Variants in DSCAM observed in about 807,000 individuals in gnomAD.
DSCAM encodes the protein cell adhesion molecule DSCAM.
In DSCAM, 47 loss-of-function variants were observed where a neutral mutation model predicts 217.7. The ratio of observed to expected loss-of-function variants is 0.22; its 90% CI spans 0.17 to 0.28. The LOEUF (loss-of-function observed/expected upper bound fraction) is 0.28. DSCAM is among the 10% of genes least tolerant of loss of function. The probability of loss-of-function intolerance (pLI) is 1.00; values close to 1 mark genes in which losing one functional copy is unlikely to be tolerated. For synonymous variants in DSCAM, 1,056 were observed against 1,015.3 expected (o/e 1.04, Z -0.76); for missense variants, 2,080 against 2,618.3 (o/e 0.79, Z 4.49).
chr21:40,465,702 G>A (rs182480506), intron 3 of DSCAM, among the ~76,000 whole-genome samples: 117 of 152,182 alleles, frequency 7.7e-4, no homozygotes, highest in African/African-American at 2.6e-3. Context: ...TTTATGAGTG[G>A]CCCAAGACAA....
chr21:40,409,952 C>CA, intron 3 of DSCAM, among the ~76,000 whole-genome samples: 1 of 152,094 alleles, frequency 6.6e-6, no homozygotes, highest in East Asian at 1.9e-4. Flanking sequence ...TAAACAATTA[C>CA]AAAACATGTC....
chr21:40,522,235 C>G (rs1051781028), intron 3 of DSCAM, among the ~76,000 whole-genome samples: 5 of 152,164 alleles, frequency 3.3e-5, no homozygotes, highest in Admixed American at 6.5e-5. Context: ...AGTACAAACT[C>G]AGAGTAAATG....
chr21:40,445,318 T>C (rs747728430), intron 3 of DSCAM, among the ~76,000 whole-genome samples: 63 of 152,328 alleles, frequency 4.1e-4, no homozygotes, highest in Admixed American at 7.2e-4. Context: ...TCTGGGCTGT[T>C]AGGTGACTCA....
rs2077078893 is a variant in DSCAM, at chr21:40,603,621, C to A, written c.508+89189G>T. 1.3e-5 allele frequency among the ~76,000 whole-genome samples: 2 copies of A among 152,138 alleles called. 1 individual carries two copies. The highest frequency in any genetic ancestry group is 4.1e-4 in the South Asian group (2 of 4,822). ...CAGGTTTACTGGTAACAAATTCCCT[C>A]AATTTTTTTGTGTCTGACAAAAATC... On this transcript the variant is annotated intron_variant, in intron 3 of 32. Transcript: ENST00000400454.
chr21:40,801,812 G>A (rs1360350843), intron 1 of DSCAM, among the ~76,000 whole-genome samples: 1 of 152,232 alleles, frequency 6.6e-6, no homozygotes, highest in Non-Finnish European at 1.5e-5. Context: ...AAGAGTTGTA[G>A]AGGATTGGCA....
At chr21:40,310,953 T>G (rs577277596) in intron 9 of DSCAM, among the ~76,000 whole-genome samples, 6 of 152,208 alleles carry the variant, frequency 3.9e-5, no homozygotes, top group Non-Finnish European at 7.3e-5. Context: ...ATTTTTTTTT[T>G]CAGAAATACA....
intron 11 of DSCAM, among the ~76,000 whole-genome samples, chr21:40,257,062 A>G (rs1389029817): frequency 6.6e-6 from 1 of 152,210 alleles, no homozygotes; most frequent in African/African-American, 2.4e-5. Context: ...CTTAAATACT[A>G]TGATAGCAAA....
chr21:40,565,129 G>A (rs889787626), intron 3 of DSCAM, among the ~76,000 whole-genome samples: 4 of 152,212 alleles, frequency 2.6e-5, no homozygotes, highest in African/African-American at 9.6e-5. Flanking sequence ...TCCAGTAGCC[G>A]AGGTACTGGC....
At position 40,778,959 on chromosome 21, in the gene DSCAM, G is replaced by T. The variant is rs535798922; in HGVS notation, c.43+67660C>A. ...GAATCACTTGAATTCGGGAGGCAGAGGTTGCGGTGAGCTGACATCGTGCCA... is the reference window on the plus strand; with the variant it reads ...GAATCACTTGAATTCGGGAGGCAGATGTTGCGGTGAGCTGACATCGTGCCA... On this transcript the variant is annotated intron_variant, in intron 1 of 32. Coordinates refer to ENST00000400454, the MANE Select transcript of DSCAM (RefSeq NM_001389.5). 4.0e-5 allele frequency among the ~76,000 whole-genome samples: 6 copies of T among 148,370 alleles called. No homozygotes were observed. In the South Asian group the frequency reaches 1.3e-3, roughly 32 times the overall value.
intron 3 of DSCAM, among the ~76,000 whole-genome samples, chr21:40,487,870 T>C (rs2076043311): frequency 6.6e-6 from 1 of 152,052 alleles, no homozygotes; most frequent in African/African-American, 2.4e-5. Context: ...GAGAAGAGAG[T>C]TGTAGCCAGC....
chr21:40,014,020 T>C (rs1260348761), intron 32 of DSCAM, among the ~76,000 whole-genome samples: 1 of 152,246 alleles, frequency 6.6e-6, no homozygotes, highest in Non-Finnish European at 1.5e-5. Flanking sequence ...ACCAGAATTC[T>C]AGTGTTTCTA....
At chr21:40,263,188 T>A (rs2073477344) in intron 11 of DSCAM, among the ~76,000 whole-genome samples, 1 of 152,204 alleles carries the variant, frequency 6.6e-6, no homozygotes, top group Non-Finnish European at 1.5e-5. Flanking sequence ...AAGAGAAGTT[T>A]CATTTCTGGA....
At chr21:40,697,383 G>A (rs748043812) in intron 2 of DSCAM, among the ~76,000 whole-genome samples, 7 of 152,016 alleles carry the variant, frequency 4.6e-5, no homozygotes, top group Non-Finnish European at 8.8e-5. Flanking sequence ...CTGTGCTTTT[G>A]AGGCCTTACC....
At position 40,028,590 on chromosome 21, in the gene DSCAM, C is replaced by G. The variant is rs145404306; in HGVS notation, c.5686+13781G>C. On this transcript the variant is annotated intron_variant, in intron 32 of 32. Transcript: ENST00000400454. ...AAGCCCGTCAGAAAAGCACAGTATT[C>G]GGGTGGGAGTGACCCGATTTTCCAG... Among the ~76,000 whole-genome samples, 1,246 of 152,268 alleles carry G rather than the reference C, an allele frequency of 8.2e-3. 22 individuals carry two copies. The highest frequency in any genetic ancestry group is 0.029 in the African/African-American group (1,197 of 41,550).
At position 40,387,423 on chromosome 21, in the gene DSCAM, T is replaced by C. The variant is rs534663346; in HGVS notation, c.509-18178A>G. Among the ~76,000 whole-genome samples the C allele has an allele frequency of 3.3e-5, 5 of 152,012 alleles. No individual in the cohort carries two copies. The South Asian group carries it at 8.3e-4, about 25-fold the overall frequency. On this transcript the variant is annotated intron_variant, in intron 3 of 32. Transcript: ENST00000400454. ...TTGCCTTCCTAGCCTAAGCTTTGTG[T>C]AGGGATTATGTCTAACCATAGTACT...
chr21:40,832,166 A>G (rs1601324238), intron 1 of DSCAM, among the ~76,000 whole-genome samples: 1 of 152,344 alleles, frequency 6.6e-6, no homozygotes. Context: ...TCATTCAACA[A>G]TTGTGTGACC....
At chr21:40,764,918 G>A (rs553195023) in intron 1 of DSCAM, among the ~76,000 whole-genome samples, 2 of 152,210 alleles carry the variant, frequency 1.3e-5, no homozygotes, top group Admixed American at 6.5e-5. Context: ...CAGGGGCACA[G>A]AGAGGGGAAC....
chr21:40,105,067 G>T (rs947611179), intron 20 of DSCAM, among the ~76,000 whole-genome samples: 3 of 152,078 alleles, frequency 2.0e-5, no homozygotes, highest in African/African-American at 4.8e-5. Context: ...GAGATTTCCA[G>T]GGCCTCTTTC....
intron 28 of DSCAM, among the ~76,000 whole-genome samples, chr21:40,056,084 T>C (rs2089017183): frequency 1.3e-5 from 2 of 152,232 alleles, no homozygotes; most frequent in African/African-American, 4.8e-5. Context: ...ATTGGCTCTA[T>C]ATCTACCAAT....
Sources: gnomAD v4.1 joint callset for allele counts (sites outside exome capture counted in the v4.1 genomes callset) on GRCh38, gnomAD v4.1.1 for gene constraint, MANE v1.5 for transcripts, NCBI Gene and HGNC (gene_info 2026-07-23, HGNC 2026-07-21) for gene names.